The following MSN variants were observed in gnomAD, a reference collection of about 807,000 sequenced individuals.
The protein encoded by MSN is moesin, also known as epididymis luminal protein 70.
MSN carries 2 observed loss-of-function variants against 48.0 expected under a neutral mutation model. The observed-to-expected ratio is 0.04, with a 90% CI of 0.02 to 0.13. The LOEUF is 0.13. Among genes scored for constraint, MSN ranks in the 10% least tolerant of loss-of-function variants. The pLI is 1.00. For synonymous variants in MSN, 146 were observed against 166.9 expected (o/e 0.87, Z 0.97); for missense variants, 267 against 470.1 (o/e 0.57, Z 3.99).
chrX:65,695,218 G>A (rs759551262), intron 1 of MSN, among the ~76,000 whole-genome samples: 5 of 110,395 alleles, frequency 4.5e-5, no homozygotes, highest in South Asian at 3.8e-4. Flanking sequence ...GTATGTTGTC[G>A]GGCCGGGCGT....
chrX:65,663,681 C>T (rs1255532302), upstream of MSN, among the ~76,000 whole-genome samples: 1 of 111,456 alleles, frequency 9.0e-6, no homozygotes, highest in South Asian at 3.7e-4. Flanking sequence ...CAGCATTATT[C>T]ACAGTAACGA....
intron 1 of MSN, among the ~76,000 whole-genome samples, chrX:65,636,382 C>A (rs2070599003): frequency 9.0e-6 from 1 of 111,660 alleles, no homozygotes; most frequent in Non-Finnish European, 1.9e-5. Flanking sequence ...AACTGACATT[C>A]TTTCCTCTTT....
chrX:65,690,654 T>C (rs2071163310), intron 1 of MSN, among the ~76,000 whole-genome samples: 2 of 111,747 alleles, frequency 1.8e-5, no homozygotes, highest in South Asian at 7.5e-4. Flanking sequence ...CTCAGATCCA[T>C]GTGGACTTGC....
intron 1 of MSN, among the ~76,000 whole-genome samples, chrX:65,628,183 T>C (rs1339290754): frequency 8.9e-6 from 1 of 112,677 alleles, no homozygotes; most frequent in Non-Finnish European, 1.9e-5. Flanking sequence ...CTTTTCACAG[T>C]GCCCCAGTAG....
At chrX:65,654,730 C>T (rs2070769321) in intron 1 of MSN, among the ~76,000 whole-genome samples, 1 of 111,398 alleles carries the variant, frequency 9.0e-6, no homozygotes, top group South Asian at 3.7e-4. Flanking sequence ...AGCATATACA[C>T]CACCAGTGGC....
intron 1 of MSN, among the ~76,000 whole-genome samples, chrX:65,607,665 A>G (rs1276090896): frequency 9.0e-6 from 1 of 111,495 alleles, no homozygotes; most frequent in Non-Finnish European, 1.9e-5. Flanking sequence ...TTCTTGGGTA[A>G]GGTCCTGTCT....
At chrX:65,611,245 C>T (rs1053338642) in intron 1 of MSN, among the ~76,000 whole-genome samples, 2 of 108,073 alleles carry the variant, frequency 1.9e-5, no homozygotes, top group Admixed American at 1.0e-4. Flanking sequence ...CTGCAACCTC[C>T]GCCTCCCAGG....
intron 1 of MSN, among the ~76,000 whole-genome samples, chrX:65,620,688 A>T (rs1427749239): frequency 8.9e-6 from 1 of 111,739 alleles, no homozygotes; most frequent in Admixed American, 9.5e-5. Flanking sequence ...TTACTCTGGG[A>T]GCTGTAGACC....
chrX:65,650,175 C>T (rs1490801258), intron 1 of MSN, among the ~76,000 whole-genome samples: 1 of 106,960 alleles, frequency 9.3e-6, no homozygotes, highest in Non-Finnish European at 1.9e-5. Flanking sequence ...GCAACCTCCC[C>T]CTCCTGGGTT....
intron 1 of MSN, chrX:65,716,431 A>G (rs2071465214): frequency 4.0e-6 from 1 of 247,111 alleles, no homozygotes; most frequent in Non-Finnish European, 7.9e-6. Flanking sequence ...GTGCACCACC[A>G]TGCCCGGATA....
intron 1 of MSN, among the ~76,000 whole-genome samples, chrX:65,703,720 G>A (rs982237584): frequency 1.8e-5 from 2 of 111,497 alleles, no homozygotes; most frequent in African/African-American, 6.5e-5. Context: ...GACTACAGGC[G>A]TGCGCCACCA....
intron 1 of MSN, among the ~76,000 whole-genome samples, chrX:65,699,332 C>T (rs2071277505): frequency 9.0e-6 from 1 of 111,719 alleles, no homozygotes; most frequent in South Asian, 3.7e-4. Flanking sequence ...AGATGTGGCT[C>T]CTTCTACCAC....
At chrX:65,694,368 C>T (rs994228724) in intron 1 of MSN, among the ~76,000 whole-genome samples, 23 of 106,219 alleles carry the variant, frequency 2.2e-4, no homozygotes, top group African/African-American at 5.2e-4. Context: ...CTCTGTCTGT[C>T]GCCCAGGCTG....
At chrX:65,678,634 A>C (rs1004430175) in intron 1 of MSN, among the ~76,000 whole-genome samples, 3 of 110,016 alleles carry the variant, frequency 2.7e-5, no homozygotes, top group Non-Finnish European at 5.7e-5. Flanking sequence ...AGTTCCCTCT[A>C]CCTCCCCTTC....
chrX:65,658,694 G>A (rs2070799732), intron 1 of MSN, among the ~76,000 whole-genome samples: 1 of 111,407 alleles, frequency 9.0e-6, no homozygotes, highest in Non-Finnish European at 1.9e-5. Context: ...AAATGCAGAA[G>A]CTTCTTTATT....
chrX:65,620,413 C>A (rs919511317), intron 1 of MSN, among the ~76,000 whole-genome samples: 2 of 113,837 alleles, frequency 1.8e-5, no homozygotes, highest in African/African-American at 3.2e-5. Flanking sequence ...TCTCGCGGTG[C>A]GCCGCTTTCC....
At chrX:65,695,878 CCTTTGAGAGAAAGGCATA>C (rs2071232592) in intron 1 of MSN, among the ~76,000 whole-genome samples, 1 of 83,451 alleles carries the variant, frequency 1.2e-5, no homozygotes, top group African/African-American at 2.3e-4. Flanking sequence ...TAACTTCATG[CCTTTGAGAGAAAGGCATA>C]CTTTGTGTTT....
intron 7 of MSN, among the ~76,000 whole-genome samples, chrX:65,734,640 G>A (rs1287344356): frequency 8.9e-6 from 1 of 112,022 alleles, no homozygotes; most frequent in Non-Finnish European, 1.9e-5. Flanking sequence ...TATTGCTGCT[G>A]TGCTCAACTA....
chrX:65,648,171 G>A lies in MSN; in HGVS notation c.-22+59559G>A, dbSNP rs780763688. 7.2e-5 allele frequency among the ~76,000 whole-genome samples: 8 copies of A among 111,427 alleles called. No homozygotes were observed. In the East Asian group the frequency reaches 1.7e-3, roughly 23 times the overall value. Reference sequence around the variant, plus strand: ...TGAGGAAAAAGAAGATATTAAAGATGACTCTTAGATCTCTGGAAGGGGACA... The same window carrying A: ...TGAGGAAAAAGAAGATATTAAAGATAACTCTTAGATCTCTGGAAGGGGACA... On this transcript the variant is annotated intron_variant, in intron 1 of 3. Transcript: ENST00000609672.
Sources: gnomAD v4.1 joint callset for allele counts (sites outside exome capture counted in the v4.1 genomes callset) on GRCh38, gnomAD v4.1.1 for gene constraint, MANE v1.5 for transcripts, NCBI Gene and HGNC (gene_info 2026-07-23, HGNC 2026-07-21) for gene names.